The following SLC8A3 variants were observed in gnomAD, a reference collection of about 807,000 sequenced individuals.
The protein encoded by SLC8A3 is solute carrier family 8 member A3.
Under a neutral mutation model 65.4 loss-of-function variants are expected in SLC8A3, and 37 were observed. That is an observed-to-expected ratio of 0.57 (90% CI 0.44 to 0.74). The LOEUF is 0.74. Ranked by LOEUF, SLC8A3 falls within the 30% of genes least tolerant of loss-of-function variation. SLC8A3 has a pLI of 0.00. For missense variants in SLC8A3, 1,112 were observed against 1,172.1 expected, an observed-to-expected ratio of 0.95 and a Z score of 0.75; for synonymous variants, 461 against 444.5, an observed-to-expected ratio of 1.04 and a Z score of -0.47.
At chr14:70,187,639 G>GTGTT (rs775352761) in intron 1 of SLC8A3, among the ~76,000 whole-genome samples, 3,726 of 128,072 alleles carry the variant, frequency 0.029, 133 homozygotes, top group East Asian at 0.09. Flanking sequence ...GTGTGTGTGT[G>GTGTT]TCCGCGCGCG....
intron 2 of SLC8A3, among the ~76,000 whole-genome samples, chr14:70,107,410 C>A (rs1892949040): frequency 6.6e-6 from 1 of 152,086 alleles, no homozygotes; most frequent in Non-Finnish European, 1.5e-5. Context: ...AGCCACTGTG[C>A]AATTGTAGAC....
At position 70,095,448 on chromosome 14, in the gene SLC8A3, GA is replaced by G. The variant is rs372575714; in HGVS notation, c.1785-34510del. 3.4e-3 allele frequency among the ~76,000 whole-genome samples: 522 copies of G among 152,316 alleles called. 6 individuals are homozygous for G. The highest frequency in any genetic ancestry group is 0.012 in the African/African-American group (502 of 41,578). On this transcript the variant is annotated intron_variant, in intron 2 of 6. Coordinates refer to ENST00000356921, the MANE Select transcript of SLC8A3 (RefSeq NM_182932.3). Reference sequence around the variant, plus strand: ...TCTGTGCCTCAGTTTCTCCATCTGTGAAAAGCACACAACTTACTTATGCTTT... The same window carrying G: ...TCTGTGCCTCAGTTTCTCCATCTGTGAAAGCACACAACTTACTTATGCTTT...
At chr14:70,166,524 A>T in intron 2 of SLC8A3, 115 bp downstream of exon 2, 2 of 678,956 alleles carry the variant, frequency 2.9e-6, no homozygotes, top group South Asian at 2.0e-5. Flanking sequence ...TGATGGAACC[A>T]AAGTTTGACA....
intron 2 of SLC8A3, among the ~76,000 whole-genome samples, chr14:70,149,440 G>A (rs1348624146): frequency 6.6e-6 from 1 of 152,192 alleles, no homozygotes; most frequent in Non-Finnish European, 1.5e-5. Context: ...AGCAGCCCCA[G>A]CCTGACAGGC....
At chr14:70,106,315 T>C (rs1195324038) in intron 2 of SLC8A3, among the ~76,000 whole-genome samples, 5 of 152,220 alleles carry the variant, frequency 3.3e-5, no homozygotes, top group Admixed American at 6.5e-5. Flanking sequence ...TTTGTGCTAA[T>C]ATTCTCACAT....
chr14:70,103,247 A>T (rs894816997), intron 2 of SLC8A3, among the ~76,000 whole-genome samples: 3 of 152,116 alleles, frequency 2.0e-5, no homozygotes, highest in Non-Finnish European at 4.4e-5. Flanking sequence ...AGATACATGG[A>T]AATAGAGAAT....
In SLC8A3 at chr14:70,167,519, C is replaced by T. The variant is rs1897247606; in HGVS notation, c.904G>A (p.Val302Met). 6.8e-6 allele frequency: 11 copies of T among 1,614,016 alleles called. No individual in the cohort carries two copies. The highest frequency in any genetic ancestry group is 8.5e-6 in the Non-Finnish European group (10 of 1,180,024). ...MNSHFLDGNLVPLEGKEVDES... is the reference protein window; with the variant it reads ...MNSHFLDGNLMPLEGKEVDES... ...TCCACTTCCTTCCCTTCCAGGGGCACCAGGTTCCCATCTAGAAAATGGGAA... is the reference window on the plus strand; with the variant it reads ...TCCACTTCCTTCCCTTCCAGGGGCATCAGGTTCCCATCTAGAAAATGGGAA... The change falls in exon 2 of 7, where the codon GTG becomes ATG. Residue 302 changes from valine (V) to methionine (M), a missense_variant. Coordinates refer to ENST00000356921, the MANE Select transcript of SLC8A3 (RefSeq NM_182932.3).
intron 6 of SLC8A3, 41 bp downstream of exon 6, chr14:70,048,726 G>A: frequency 6.3e-7 from 1 of 1,585,200 alleles, no homozygotes; most frequent in Non-Finnish European, 8.6e-7. Context: ...TTTGAACCAG[G>A]TAAAATCCTC....
In SLC8A3 at chr14:70,153,810, C is replaced by A. The variant is rs536063205; in HGVS notation, c.1784+12829G>T. On this transcript the variant is annotated intron_variant, in intron 2 of 6. Coordinates refer to ENST00000356921, the MANE Select transcript of SLC8A3 (RefSeq NM_182932.3). ...CCCTCCTGCTCTCATCTCATCACTGCCCCGTCTAGCCCTTGATCCTGGCTG... is the reference window on the plus strand; with the variant it reads ...CCCTCCTGCTCTCATCTCATCACTGACCCGTCTAGCCCTTGATCCTGGCTG... Among the ~76,000 whole-genome samples, 5 of 152,344 alleles carry A rather than the reference C, an allele frequency of 3.3e-5. No homozygotes were observed. In the East Asian group the frequency reaches 7.7e-4, roughly 24 times the overall value.
chr14:70,137,846 G>A (rs1471047459), intron 2 of SLC8A3, among the ~76,000 whole-genome samples: 3 of 144,180 alleles, frequency 2.1e-5, no homozygotes, highest in Non-Finnish European at 3.0e-5. Context: ...TTGGCTCCCT[G>A]GGAAAAATGG....
chr14:70,187,101 C>CT (rs1278137928), intron 1 of SLC8A3: 1 of 152,404 alleles, frequency 6.6e-6, no homozygotes, highest in Non-Finnish European at 1.5e-5. Context: ...CTCCCTCCTC[C>CT]CCCCACCCCC....
intron 3 of SLC8A3, among the ~76,000 whole-genome samples, chr14:70,057,772 C>G (rs137891762): frequency 8.7e-4 from 132 of 152,236 alleles, no homozygotes; most frequent in Non-Finnish European, 1.0e-3. Context: ...CTCAGACACC[C>G]CAGGGACAAG....
At chr14:70,111,104 G>A (rs559317669) in intron 2 of SLC8A3, among the ~76,000 whole-genome samples, 1 of 152,290 alleles carries the variant, frequency 6.6e-6, no homozygotes, top group African/African-American at 2.4e-5. Context: ...TTTCCCTGGT[G>A]GTTGTACTAA....
intron 2 of SLC8A3, among the ~76,000 whole-genome samples, chr14:70,079,072 G>T (rs1458253305): frequency 1.3e-5 from 2 of 152,104 alleles, no homozygotes; most frequent in Non-Finnish European, 2.9e-5. Context: ...TTGTATAATT[G>T]TTTCCTTATT....
At chr14:70,136,054 G>GAATA (rs575816442) in intron 2 of SLC8A3, among the ~76,000 whole-genome samples, 9 of 151,676 alleles carry the variant, frequency 5.9e-5, no homozygotes, top group African/African-American at 1.5e-4. Context: ...ATAAATAAAT[G>GAATA]AATAAATAAA....
chr14:70,109,745 C>G (rs971529498), intron 2 of SLC8A3, among the ~76,000 whole-genome samples: 1 of 152,112 alleles, frequency 6.6e-6, no homozygotes, highest in Non-Finnish European at 1.5e-5. Context: ...TTTCAGCCAC[C>G]ATGTCCAGCC....
chr14:70,144,087 G>T (rs1895744293), intron 2 of SLC8A3, among the ~76,000 whole-genome samples: 1 of 152,034 alleles, frequency 6.6e-6, no homozygotes, highest in South Asian at 2.1e-4. Flanking sequence ...GACTGGGGCT[G>T]TGTCTGACTC....
chr14:70,167,642 T>C lies in SLC8A3; in HGVS notation c.781A>G (p.Met261Val), dbSNP rs761573007. The part of the protein sequence containing the change: ...ADKRLLFYKY[M>V]HKKYRTDKHR... ...TTGTCTGTGCGGTACTTTTTGTGCA[T>C]GTATTTGTAGAAGAGCAGTCGTTTA... The change falls in exon 2 of 7, where the codon ATG becomes GTG. Residue 261 changes from methionine to valine, a missense_variant. Met to Val is a conservative substitution (Grantham distance 21). Coordinates refer to ENST00000356921, the MANE Select transcript of SLC8A3 (RefSeq NM_182932.3). The C allele has an allele frequency of 1.9e-6, 3 of 1,614,190 alleles. No homozygotes were observed. Among genetic ancestry groups the C allele is most frequent in the Admixed American group, 3.3e-5 (2 of 60,022 alleles).
chr14:70,093,188 A>T (rs754231246), intron 2 of SLC8A3, among the ~76,000 whole-genome samples: 1 of 152,248 alleles, frequency 6.6e-6, no homozygotes, highest in Non-Finnish European at 1.5e-5. Context: ...TATTTGGCCT[A>T]CCATGCTGCA....
Sources: gnomAD v4.1 joint callset for allele counts (sites outside exome capture counted in the v4.1 genomes callset) on GRCh38, gnomAD v4.1.1 for gene constraint, MANE v1.5 for transcripts, NCBI Gene and HGNC (gene_info 2026-07-23, HGNC 2026-07-21) for gene names.